Variants in FERMT3 observed in about 807,000 individuals in gnomAD.
FERMT3 encodes FERM domain containing kindlin 3.
In FERMT3, 33 loss-of-function variants were observed where a neutral mutation model predicts 80.8. The ratio of observed to expected loss-of-function variants is 0.41; its 90% confidence interval spans 0.31 to 0.55. The LOEUF (loss-of-function observed/expected upper bound fraction) is 0.55. FERMT3 is among the 20% of genes least tolerant of loss of function. The probability of loss-of-function intolerance (pLI) is 0.31; values close to 1 mark genes in which losing one functional copy is unlikely to be tolerated. For missense variants in FERMT3, 754 were observed against 908.7 expected (o/e 0.83, Z 2.19); for synonymous variants, 375 against 372.2 (o/e 1.01, Z -0.09).
chr11:64,213,520 TGGGGTTATAGGA>T (rs1440678058), intron 6 of FERMT3, among the ~76,000 whole-genome samples: 4 of 151,366 alleles, frequency 2.6e-5, no homozygotes, highest in Non-Finnish European at 5.9e-5. Context: ...CCCAAAGTGC[TGGGGTTATAGGA>T]GCGAGCCACT....
In FERMT3 at chr11:64,210,486, C is replaced by T; in HGVS notation, c.161-125C>T. 2.1e-6 allele frequency: 2 copies of T among 964,586 alleles called. No homozygotes were observed. Among genetic ancestry groups the T allele is most frequent in the Admixed American group, 1.9e-5 (1 of 51,420 alleles). 59.8% of individuals were successfully genotyped at this position (964,586 alleles called of 1,614,324 possible). On this transcript the variant is annotated intron_variant, in intron 2 of 14. Coordinates refer to ENST00000345728, the MANE Select transcript of FERMT3 (RefSeq NM_031471.6). This position sits in a 1 kb window ranked among gnomAD's most constrained non-coding sequence, Gnocchi z 4.3. Reference sequence around the variant, plus strand: ...GTAGACCCCAGGCCCGCCCAGGCTGCCCCACTCTTGGCTTAGGCAGGGCAG... The same window carrying T: ...GTAGACCCCAGGCCCGCCCAGGCTGTCCCACTCTTGGCTTAGGCAGGGCAG...
In FERMT3 at chr11:64,223,104, G is replaced by T; in HGVS notation, c.1727G>T (p.Arg576Leu). ...GGCATCGCCAACAACCGACTGATCC[G>T]CATCGACTTGGCCGTGGGCGACGTG... The part of the protein sequence containing the change: ...ILGIANNRLI[R>L]IDLAVGDVVK... Residue 576 changes from arginine to leucine, a missense_variant, in exon 14 of 15, where the codon CGC becomes CTC. By Grantham distance (102) the Arg-to-Leu change is moderately radical (BLOSUM62 -2). Coordinates refer to ENST00000345728, the MANE Select transcript of FERMT3 (RefSeq NM_031471.6). 6.2e-7 allele frequency: 1 copy of T among 1,613,920 alleles called. No homozygotes were observed. Among genetic ancestry groups the T allele is most frequent in the Non-Finnish European group, 8.5e-7 (1 of 1,180,050 alleles).
At position 64,220,423 on chromosome 11, in the gene FERMT3, C is replaced by T. The variant is rs1479548772; in HGVS notation, c.1312-13C>T. On this transcript the variant is annotated splice_polypyrimidine_tract_variant and intron_variant, in intron 11 of 14. Transcript: ENST00000345728. ...GCTTGGTTAGCACTGTCCCCCTCACCCCTCTCGCCCAGGAGCAGCAGTATG... is the reference window on the plus strand; with the variant it reads ...GCTTGGTTAGCACTGTCCCCCTCACTCCTCTCGCCCAGGAGCAGCAGTATG... 12 of 1,610,422 alleles carry T rather than the reference C, an allele frequency of 7.5e-6. No homozygotes were observed. Among genetic ancestry groups the T allele is most frequent in the Admixed American group, 1.7e-5 (1 of 59,936 alleles).
chr11:64,211,048 T>C lies in FERMT3; in HGVS notation c.395-4T>C. ...GTCCCCGCTGAGACCCTAGCTCCCC[T>C]CAGGCATCCGGCACCCCGAGGAGCT... On this transcript the variant is annotated splice_region_variant and splice_polypyrimidine_tract_variant and intron_variant, in intron 3 of 14. Transcript: ENST00000345728. The surrounding 1 kb of genome is among the most constrained non-coding windows in gnomAD (Gnocchi z 4.7). The C allele has an allele frequency of 6.2e-7, 1 of 1,601,992 alleles. No individual in the cohort carries two copies. The highest frequency in any genetic ancestry group is 1.1e-5 in the South Asian group (1 of 89,070).
At chr11:64,213,275 T>C (rs867109870) in intron 6 of FERMT3, among the ~76,000 whole-genome samples, 7 of 137,642 alleles carry the variant, frequency 5.1e-5, no homozygotes, top group South Asian at 2.5e-4. Context: ...GTGATCCACC[T>C]GCCTCAGCCT....
intron 2 of FERMT3, among the ~76,000 whole-genome samples, chr11:64,209,012 C>T (rs779101344): frequency 5.9e-5 from 9 of 151,914 alleles, no homozygotes; most frequent in Non-Finnish European, 1.3e-4. Flanking sequence ...CTCCTAAGGC[C>T]GGGCAGGGAG....
At chr11:64,217,271 C>T (rs991041454) in intron 6 of FERMT3, among the ~76,000 whole-genome samples, 5 of 152,034 alleles carry the variant, frequency 3.3e-5, no homozygotes, top group Admixed American at 6.6e-5. Context: ...GTGTTTTTGC[C>T]GGGCACGGTG....
intron 6 of FERMT3, among the ~76,000 whole-genome samples, chr11:64,218,805 G>A (rs1343070634): frequency 6.6e-6 from 1 of 152,058 alleles, no homozygotes; most frequent in Non-Finnish European, 1.5e-5. Flanking sequence ...TACTCAGCTT[G>A]TCACCTCCTC....
rs759755171 is a variant in FERMT3, at chr11:64,223,358, G to A, written c.1858G>A (p.Val620Met). Reference protein sequence around the residue: ...DEHINVAFSCVSASCRIVHEY... With the variant: ...DEHINVAFSCMSASCRIVHEY... ...ACACATCAATGTGGCCTTCAGCTGCGTGTCTGCCAGCTGCCGAATTGTACA... is the reference window on the plus strand; with the variant it reads ...ACACATCAATGTGGCCTTCAGCTGCATGTCTGCCAGCTGCCGAATTGTACA... Residue 620 changes from valine (V) to methionine (M), a missense_variant, in exon 15 of 15, where the codon GTG (valine) becomes ATG (methionine). Coordinates refer to ENST00000345728, the MANE Select transcript of FERMT3 (RefSeq NM_031471.6). 14 of 1,613,972 alleles carry A rather than the reference G, an allele frequency of 8.7e-6. No homozygotes were observed. The highest frequency in any genetic ancestry group is 4.4e-5 in the South Asian group (4 of 91,094).
rs936699931 is a variant in FERMT3, at chr11:64,207,509, A to G, written c.145A>G (p.Ile49Val). 2.5e-6 allele frequency: 4 copies of G among 1,611,174 alleles called. No homozygotes were observed. The highest frequency in any genetic ancestry group is 3.4e-6 in the Non-Finnish European group (4 of 1,178,348). The change falls in exon 2 of 15, where the codon ATT becomes GTT. Residue 49 changes from isoleucine (I) to valine (V), a missense_variant. Coordinates refer to ENST00000345728, the MANE Select transcript of FERMT3 (RefSeq NM_031471.6). ...GCACATCGGCGGGGTGCTCCTGAAG[A>G]TTGTGGAGCAGATCAGTGAGTGTCC... ...ESHIGGVLLK[I>V]VEQINRKQDW...
rs1946449158 is a variant in FERMT3, at chr11:64,211,849, T to C, written c.786+102T>C. On this transcript the variant is annotated intron_variant, in intron 6 of 14. Coordinates refer to ENST00000345728, the MANE Select transcript of FERMT3 (RefSeq NM_031471.6). The surrounding 1 kb of genome is among the most constrained non-coding windows in gnomAD (Gnocchi z 4.7). ...GATGTTAGTGACTTGTAGTGGCCTGTCCGTCTGCCCGTTTGTCCATCCACA... is the reference window on the plus strand; with the variant it reads ...GATGTTAGTGACTTGTAGTGGCCTGCCCGTCTGCCCGTTTGTCCATCCACA... The C allele has an allele frequency of 8.8e-7, 1 of 1,131,182 alleles. No homozygotes were observed. The highest frequency in any genetic ancestry group is 1.9e-5 in the Admixed American group (1 of 53,434). The allele number at this position is 1,131,182 out of a possible 1,614,324, so 70.1% of individuals were successfully genotyped here.
In FERMT3 at chr11:64,220,658, A is replaced by G; in HGVS notation, c.1534A>G (p.Lys512Glu). The stretch of plus-strand genomic sequence containing the variant: ...TGCCCCCCGTTTCCAGCGAAAGTTC[A>G]AGGCCAAGCAGGTACCAGAAGGCGT... ...LVAPRFQRKF[K>E]AKQLTPRILE... Residue 512 changes from lysine to glutamate, a missense_variant, in exon 12 of 15, where the codon AAG (lysine) becomes GAG (glutamate). Coordinates refer to ENST00000345728, the MANE Select transcript of FERMT3 (RefSeq NM_031471.6). The G allele has an allele frequency of 6.2e-7, 1 of 1,610,840 alleles. No homozygotes were observed. The highest frequency in any genetic ancestry group is 8.5e-7 in the Non-Finnish European group (1 of 1,178,998).
At chr11:64,217,849 T>G (rs1303906207) in intron 6 of FERMT3, among the ~76,000 whole-genome samples, 3 of 152,196 alleles carry the variant, frequency 2.0e-5, no homozygotes, top group Non-Finnish European at 2.9e-5. Flanking sequence ...AGATCTCTGT[T>G]CTTTTTGCTG....
chr11:64,218,746 T>C (rs147585290), intron 6 of FERMT3, among the ~76,000 whole-genome samples: 1 of 152,336 alleles, frequency 6.6e-6, no homozygotes, highest in African/African-American at 2.4e-5. Context: ...TCTGGAATCC[T>C]CTTCCTTCAC....
chr11:64,223,329 A>G lies in FERMT3; in HGVS notation c.1829A>G (p.Asp610Gly). ...GCCCTTCAGGTGGCCATCGAGTTTG[A>G]TGAACACATCAATGTGGCCTTCAGC... ...WDIRQVAIEFDEHINVAFSCV... is the reference protein window; with the variant it reads ...WDIRQVAIEFGEHINVAFSCV... Residue 610 changes from aspartate to glycine, a missense_variant, in exon 15 of 15, where the codon GAT (aspartate) becomes GGT (glycine). By Grantham distance (94) the Asp-to-Gly change is moderately conservative. Coordinates refer to ENST00000345728, the MANE Select transcript of FERMT3 (RefSeq NM_031471.6). 6.2e-7 allele frequency: 1 copy of G among 1,614,032 alleles called. No individual in the cohort carries two copies. The highest frequency in any genetic ancestry group is 1.1e-5 in the South Asian group (1 of 91,088).
rs1160399430 is a variant in FERMT3, at chr11:64,210,086, G to A, written c.161-525G>A. Among the ~76,000 whole-genome samples the A allele has an allele frequency of 6.6e-6, 1 of 152,216 alleles. No homozygotes were observed. The highest frequency in any genetic ancestry group is 1.5e-5 in the Non-Finnish European group (1 of 68,038). ...TAAGATCGTTATTGTATCTTACAGGGAAACTGAGGCCCAGTGAGGTTAAGT... is the reference window on the plus strand; with the variant it reads ...TAAGATCGTTATTGTATCTTACAGGAAAACTGAGGCCCAGTGAGGTTAAGT... On this transcript the variant is annotated intron_variant, in intron 2 of 14. Coordinates refer to ENST00000345728, the MANE Select transcript of FERMT3 (RefSeq NM_031471.6). This position sits in a 1 kb window ranked among gnomAD's most constrained non-coding sequence, Gnocchi z 4.3.
At chr11:64,221,236 C>A in intron 13 of FERMT3, 96 bp downstream of exon 13, 1 of 1,307,136 alleles carries the variant, frequency 7.7e-7, no homozygotes, top group South Asian at 1.2e-5. Context: ...AGGTTCTGGA[C>A]AGGCACCCCA....
chr11:64,220,817 C>A, intron 12 of FERMT3, 148 bp downstream of exon 12: 1 of 1,275,376 alleles, frequency 7.8e-7, no homozygotes, highest in South Asian at 1.3e-5. Context: ...TGGTACCCAC[C>A]CTTTGGGAGG....
chr11:64,216,757 C>T (rs536640387), intron 6 of FERMT3, among the ~76,000 whole-genome samples: 92 of 144,078 alleles, frequency 6.4e-4, no homozygotes, highest in African/African-American at 2.1e-3. Context: ...GATCACGCCA[C>T]TGCACTCCAG....
Sources: gnomAD v4.1 joint callset for allele counts (sites outside exome capture counted in the v4.1 genomes callset) on GRCh38, gnomAD v4.1.1 for gene constraint, Gnocchi (gnomAD v3.1) non-coding constraint, MANE v1.5 for transcripts, NCBI Gene and HGNC (gene_info 2026-07-23, HGNC 2026-07-21) for gene names.